Variants in PLXNC1 observed in about 807,000 individuals in gnomAD.
The protein encoded by PLXNC1 is plexin C1.
In PLXNC1, 75 loss-of-function variants were observed where a neutral mutation model predicts 178.2. The ratio of observed to expected loss-of-function variants is 0.42; its 90% confidence interval spans 0.35 to 0.51. PLXNC1 has a LOEUF of 0.51. Among genes scored for constraint, PLXNC1 ranks in the 20% least tolerant of loss-of-function variants. PLXNC1 has a pLI of 0.02. For synonymous variants in PLXNC1, 790 were observed against 779.9 expected (o/e 1.01, Z -0.22); for missense variants, 1,503 against 1,984.4 (o/e 0.76, Z 4.61).
At chr12:94,279,730 C>G (rs1446872411) in intron 22 of PLXNC1, 81 bp downstream of exon 22, 1 of 1,205,120 alleles carries the variant, frequency 8.3e-7, no homozygotes, top group East Asian at 2.5e-5. Context: ...GTCCCCCCTC[C>G]CTGCCCCCAC....
chr12:94,169,245 G>A lies in PLXNC1; in HGVS notation c.1155G>A (p.Met385Ile). 1.9e-6 allele frequency: 3 copies of A among 1,614,082 alleles called. No homozygotes were observed. Among genetic ancestry groups the A allele is most frequent in the Non-Finnish European group, 2.5e-6 (3 of 1,179,958 alleles). Residue 385 changes from methionine (M) to isoleucine (I), a missense_variant, in exon 2 of 31, where the codon ATG (methionine) becomes ATA (isoleucine). Transcript: ENST00000258526. ...CATCCGTTTATGGCACCGTGGTAAT[G>A]AACAGGACTGTTTTATTCTTGGGGA... ...DLTSVYGTVV[M>I]NRTVLFLGTG...
intron 28 of PLXNC1, among the ~76,000 whole-genome samples, chr12:94,302,993 C>T (rs1033572046): frequency 6.6e-6 from 1 of 152,214 alleles, no homozygotes; most frequent in Non-Finnish European, 1.5e-5. Context: ...AATGATTCAT[C>T]AAGCCATTGA....
At position 94,220,009 on chromosome 12, in the gene PLXNC1, C is replaced by T. The variant is rs766312710; in HGVS notation, c.1555-7C>T. The T allele has an allele frequency of 1.4e-4, 222 of 1,613,018 alleles. No homozygotes were observed. Among genetic ancestry groups the T allele is most frequent in the Non-Finnish European group, 1.7e-4 (199 of 1,179,486 alleles). On this transcript the variant is annotated splice_polypyrimidine_tract_variant and splice_region_variant and intron_variant, in intron 5 of 30. Transcript: ENST00000258526. ...CATCATTTTTTCCCCATATCTTCCC[C>T]GCACAGACTACAGTGACTATGGTGG...
chr12:94,240,034 C>T (rs148710100), intron 10 of PLXNC1, among the ~76,000 whole-genome samples: 1 of 152,168 alleles, frequency 6.6e-6, no homozygotes, highest in African/African-American at 2.4e-5. Flanking sequence ...CTTGCTTCAT[C>T]TATCTTATCT....
intron 23 of PLXNC1, among the ~76,000 whole-genome samples, chr12:94,286,365 G>C (rs774521181): frequency 3.3e-5 from 5 of 152,056 alleles, no homozygotes; most frequent in Non-Finnish European, 7.4e-5. Flanking sequence ...TTTTTTAAAG[G>C]CTGCTTGGAG....
chr12:94,195,748 G>A (rs992006281), intron 4 of PLXNC1, among the ~76,000 whole-genome samples: 4 of 152,168 alleles, frequency 2.6e-5, no homozygotes, highest in African/African-American at 4.8e-5. Flanking sequence ...GCATGAGATC[G>A]TGAAAGAGAT....
intron 7 of PLXNC1, among the ~76,000 whole-genome samples, chr12:94,225,719 TAGGTA>T (rs1189354962): frequency 6.6e-6 from 1 of 152,130 alleles, no homozygotes; most frequent in African/African-American, 2.4e-5. Context: ...GCCCTTTCCA[TAGGTA>T]ACTGCTTCCT....
chr12:94,253,483 T>C (rs1964758155), intron 15 of PLXNC1, among the ~76,000 whole-genome samples: 1 of 152,138 alleles, frequency 6.6e-6, no homozygotes, highest in South Asian at 2.1e-4. Flanking sequence ...TGAGGAACAG[T>C]GGTCCCAAGT....
intron 1 of PLXNC1, among the ~76,000 whole-genome samples, chr12:94,164,098 G>C (rs527489237): frequency 9.5e-4 from 145 of 152,178 alleles, no homozygotes; most frequent in African/African-American, 3.5e-3. Flanking sequence ...ACAGAGCAGG[G>C]GCCAGAACTT....
chr12:94,185,663 A>AG (rs577850671), intron 3 of PLXNC1, among the ~76,000 whole-genome samples: 132 of 152,254 alleles, frequency 8.7e-4, no homozygotes, highest in Non-Finnish European at 1.5e-3. Flanking sequence ...ACTCCACTGG[A>AG]GGGGTGTGAG....
At chr12:94,257,396 TAGG>T (rs1964873581) in intron 17 of PLXNC1, among the ~76,000 whole-genome samples, 1 of 152,120 alleles carries the variant, frequency 6.6e-6, no homozygotes, top group Non-Finnish European at 1.5e-5. Context: ...TTGCATAAAG[TAGG>T]AGAAGAAATA....
intron 1 of PLXNC1, among the ~76,000 whole-genome samples, chr12:94,167,050 G>GA (rs1288799926): frequency 6.6e-5 from 10 of 150,412 alleles, no homozygotes; most frequent in Non-Finnish European, 1.3e-4. Context: ...GACTTACTTT[G>GA]AAAAAAAAAC....
At position 94,306,776 on chromosome 12, in the gene PLXNC1, A is replaced by G. The variant is rs1019192377; in HGVS notation, c.*1491A>G. The G allele has an allele frequency of 1.3e-5, 2 of 152,212 alleles. No homozygotes were observed. Among genetic ancestry groups the G allele is most frequent in the African/African-American group, 4.8e-5 (2 of 41,458 alleles). 9.4% of individuals were successfully genotyped at this position (152,212 alleles called of 1,614,324 possible). A position where few individuals can be genotyped will look rare whatever the true frequency, so the allele number is the denominator to read the frequency against. ...TCTGTATTATCTGGAAAAGCATGAG[A>G]GAGGTGACACCTCAACAAACTGATC... On this transcript the variant is annotated 3_prime_UTR_variant, in exon 31 of 31. Transcript: ENST00000258526.
At chr12:94,267,453 G>A (rs374729840) in intron 21 of PLXNC1, among the ~76,000 whole-genome samples, 17 of 152,242 alleles carry the variant, frequency 1.1e-4, no homozygotes, top group African/African-American at 3.9e-4. Context: ...AATTCATGTC[G>A]ACTCTTGAAA....
chr12:94,177,149 GTATATATATA>G (rs1193393522), intron 2 of PLXNC1, among the ~76,000 whole-genome samples: 2,607 of 91,684 alleles, frequency 0.028, 58 homozygotes, highest in African/African-American at 0.054. Flanking sequence ...GTGTGTGTGT[GTATATATATA>G]TGTATATATA....
intron 15 of PLXNC1, among the ~76,000 whole-genome samples, chr12:94,252,018 T>A (rs974541461): frequency 7.9e-5 from 12 of 151,772 alleles, no homozygotes; most frequent in East Asian, 3.9e-4. Flanking sequence ...AAAAACAAAA[T>A]TTTTTTTTAA....
At chr12:94,293,911 C>T (rs534138662) in intron 23 of PLXNC1, among the ~76,000 whole-genome samples, 17 of 152,196 alleles carry the variant, frequency 1.1e-4, no homozygotes, top group African/African-American at 3.1e-4. Flanking sequence ...TGAGGCACCA[C>T]GCCCAGCCCT....
Position 94,181,485 on chromosome 12 carries a change from G to C in PLXNC1, c.1243G>C (p.Val415Leu), listed in dbSNP as rs764677188. Residue 415 changes from valine to leucine, a missense_variant, in exon 3 of 31, where the codon GTT becomes CTT. Physicochemically the swap from Val to Leu is conservative, Grantham distance 32. This residue lies in a region of PLXNC1 where 615 missense variants were observed against 698.6 expected (regional missense o/e 0.88). Coordinates refer to ENST00000258526, the MANE Select transcript of PLXNC1 (RefSeq NM_005761.3). ...GAATTTGACTTCAAATTGTCCAGAG[G>C]TTATCTATGAAATTAAAGAAGAGAC... ...GENLTSNCPEVIYEIKEETPV... is the reference protein window; with the variant it reads ...GENLTSNCPELIYEIKEETPV... 6.3e-7 allele frequency: 1 copy of C among 1,592,198 alleles called. No homozygotes were observed. Among genetic ancestry groups the C allele is most frequent in the Non-Finnish European group, 8.6e-7 (1 of 1,160,556 alleles).
intron 1 of PLXNC1, among the ~76,000 whole-genome samples, chr12:94,154,844 G>T (rs1349790072): frequency 1.3e-5 from 2 of 152,184 alleles, no homozygotes; most frequent in African/African-American, 4.8e-5. Context: ...ATCTCAAAGG[G>T]TGTTCTCTGT....
Sources: allele counts gnomAD v4.1 joint callset (sites outside exome capture counted in the v4.1 genomes callset), GRCh38; gene constraint gnomAD v4.1.1; regional missense constraint gnomAD v4.1.1; transcripts MANE v1.5; gene names NCBI Gene and HGNC (gene_info 2026-07-23, HGNC 2026-07-21).